The following GLCCI1 variants were observed in gnomAD, a reference collection of about 807,000 sequenced individuals.
GLCCI1 encodes the protein glucocorticoid induced 1, also known as glucocorticoid-induced transcript 1 protein.
A neutral mutation model predicts 52.2 loss-of-function variants in GLCCI1; 24 were observed. The ratio of observed to expected loss-of-function variants is 0.46; its 90% CI spans 0.33 to 0.65. The LOEUF is 0.65. Ranked by LOEUF, GLCCI1 falls within the 30% of genes least tolerant of loss-of-function variation. The pLI, the probability that GLCCI1 is intolerant of heterozygous loss-of-function variation, is 0.02. For missense variants in GLCCI1, 704 were observed against 701.5 expected (o/e 1.00, Z -0.04); for synonymous variants, 310 against 276.5 (o/e 1.12, Z -1.20).
chr7:7,974,025 G>C (rs1182436322), intron 1 of GLCCI1, among the ~76,000 whole-genome samples: 4 of 151,844 alleles, frequency 2.6e-5, no homozygotes, highest in Non-Finnish European at 5.9e-5. Flanking sequence ...AATTTTCCTT[G>C]AGTGCTTATA....
At chr7:8,006,907 T>G (rs551967365) in intron 2 of GLCCI1, among the ~76,000 whole-genome samples, 1 of 152,298 alleles carries the variant, frequency 6.6e-6, no homozygotes, top group South Asian at 2.1e-4. Context: ...CACATTCAAG[T>G]GCCATCCTCA....
At chr7:8,066,422 TCTG>T (rs1782632221) in intron 5 of GLCCI1, among the ~76,000 whole-genome samples, 1 of 152,110 alleles carries the variant, frequency 6.6e-6, no homozygotes, top group Non-Finnish European at 1.5e-5. Flanking sequence ...TTTCTTGTCT[TCTG>T]CTAGCTTTGG....
intron 6 of GLCCI1, chr7:8,084,604 C>A (rs750972660): frequency 1.7e-5 from 4 of 232,126 alleles, no homozygotes; most frequent in Non-Finnish European, 3.4e-5. Context: ...TCTTGAAATA[C>A]GTAATAAATA....
chr7:8,004,149 C>A (rs1781101675), intron 2 of GLCCI1, 90 bp downstream of exon 2: 2 of 1,183,884 alleles, frequency 1.7e-6, no homozygotes, highest in Non-Finnish European at 1.2e-6. Context: ...CAAATTTCCC[C>A]AAATTTGAAA....
At chr7:8,070,555 A>AT (rs563554875) in intron 5 of GLCCI1, 174 of 159,352 alleles carry the variant, frequency 1.1e-3, no homozygotes, top group Middle Eastern at 3.1e-3. Context: ...AGTCAAAGTG[A>AT]TTTTTTTTTT....
In GLCCI1 at chr7:8,082,250, C is replaced by T. The variant is rs149382771; in HGVS notation, c.1178-2647C>T. Among the ~76,000 whole-genome samples the T allele has an allele frequency of 3.2e-3, 491 of 152,214 alleles. 6 individuals are homozygous for T. The highest frequency in any genetic ancestry group is 0.028 in the Admixed American group (427 of 15,294). ...TTGGTCATATGGGTTGTTTTTAAAG[C>T]GTGCTGCTTTGTAAGGCAAGAAAAA... On this transcript the variant is annotated intron_variant, in intron 6 of 7. Transcript: ENST00000223145.
rs185097909 is a variant in GLCCI1, at chr7:8,022,704, G to A, written c.696+135G>A. On this transcript the variant is annotated intron_variant, in intron 3 of 7. Coordinates refer to ENST00000223145, the MANE Select transcript of GLCCI1 (RefSeq NM_138426.4). Reference sequence around the variant, plus strand: ...CAGTAAGGTTAGGACAAATTCTAGGGTAAGGTTAGAATAAATTCTAGGCAG... The same window carrying A: ...CAGTAAGGTTAGGACAAATTCTAGGATAAGGTTAGAATAAATTCTAGGCAG... 4.5e-4 allele frequency: 167 copies of A among 369,506 alleles called. 1 individual carries two copies. The East Asian group carries it at 7.7e-3, about 17-fold the overall frequency. The allele number at this position is 369,506 out of a possible 1,614,324, so 22.9% of individuals were successfully genotyped here. A position where few individuals can be genotyped will look rare whatever the true frequency, so the allele number is the denominator to read the frequency against.
At chr7:8,043,349 C>A (rs1394576953) in intron 3 of GLCCI1, among the ~76,000 whole-genome samples, 1 of 150,326 alleles carries the variant, frequency 6.7e-6, no homozygotes. Context: ...AAAAAAGCAG[C>A]CATAGGCAGT....
intron 3 of GLCCI1, among the ~76,000 whole-genome samples, chr7:8,040,251 TGA>T (rs1781969684): frequency 6.6e-6 from 1 of 152,042 alleles, no homozygotes; most frequent in South Asian, 2.1e-4. Context: ...TTAGGGAGGC[TGA>T]GATGGAAGGA....
Position 7,969,448 on chromosome 7 carries a change from C to G in GLCCI1, c.98C>G (p.Ala33Gly), listed in dbSNP as rs1252511201. ...CGCAGCGCCGCGGGGTCCCCGCCCGCCGTCGCCGCCGCCGGGAGCGGGAAC... is the reference window on the plus strand; with the variant it reads ...CGCAGCGCCGCGGGGTCCCCGCCCGGCGTCGCCGCCGCCGGGAGCGGGAAC... The part of the protein sequence containing the change: ...MRRSAAGSPP[A>G]VAAAGSGNGA... Residue 33 changes from alanine (A) to glycine (G), a missense_variant, in exon 1 of 8, where the codon GCC (alanine) becomes GGC (glycine). Coordinates refer to ENST00000223145, the MANE Select transcript of GLCCI1 (RefSeq NM_138426.4). The surrounding 1 kb of genome is among the most constrained non-coding windows in gnomAD (Gnocchi z 4.9). The G allele has an allele frequency of 8.4e-7, 1 of 1,194,160 alleles. No homozygotes were observed. Among genetic ancestry groups the G allele is most frequent in the Non-Finnish European group, 1.0e-6 (1 of 960,842 alleles). The allele number at this position is 1,194,160 out of a possible 1,614,324, so 74.0% of individuals were successfully genotyped here. A position where few individuals can be genotyped will look rare whatever the true frequency, so the allele number is the denominator to read the frequency against.
intron 6 of GLCCI1, among the ~76,000 whole-genome samples, chr7:8,079,690 T>TGTAA (rs1782955207): frequency 6.6e-6 from 1 of 151,532 alleles, no homozygotes; most frequent in Admixed American, 6.6e-5. Flanking sequence ...TGGCTTAATT[T>TGTAA]GTAAGTTGGC....
intron 3 of GLCCI1, among the ~76,000 whole-genome samples, chr7:8,029,216 C>T (rs1343409417): frequency 1.3e-5 from 2 of 152,118 alleles, no homozygotes; most frequent in Non-Finnish European, 2.9e-5. Flanking sequence ...AAATAACTAG[C>T]AAACCAAATT....
In GLCCI1 at chr7:8,056,527, A is replaced by T. The variant is rs1160222089; in HGVS notation, c.813+978A>T. On this transcript the variant is annotated intron_variant, in intron 4 of 7. Coordinates refer to ENST00000223145, the MANE Select transcript of GLCCI1 (RefSeq NM_138426.4). ...ATTAACATTTTTATTTTCCCCTAGA[A>T]GTAAATACTAACATATCCCATGGAA... 3.3e-5 allele frequency among the ~76,000 whole-genome samples: 5 copies of T among 152,230 alleles called. No homozygotes were observed. The East Asian group carries it at 9.6e-4, about 29-fold the overall frequency.
intron 3 of GLCCI1, among the ~76,000 whole-genome samples, chr7:8,042,844 G>A (rs1165562785): frequency 1.3e-5 from 2 of 152,204 alleles, no homozygotes; most frequent in African/African-American, 2.4e-5. Flanking sequence ...AAGAGTGGCA[G>A]GGTTTGAGAG....
intron 1 of GLCCI1, chr7:7,970,038 C>A: frequency 2.8e-6 from 1 of 351,380 alleles, no homozygotes; most frequent in Non-Finnish European, 4.3e-6. Context: ...CATCACTCGC[C>A]TGCTTCGAGA....
intron 6 of GLCCI1, among the ~76,000 whole-genome samples, chr7:8,081,582 C>T (rs1782994331): frequency 6.6e-6 from 1 of 151,952 alleles, no homozygotes; most frequent in Non-Finnish European, 1.5e-5. Context: ...AGTGTGGGCC[C>T]CACAATATAC....
chr7:7,970,017 A>G, intron 1 of GLCCI1: 2 of 466,974 alleles, frequency 4.3e-6, no homozygotes, highest in Non-Finnish European at 6.1e-6. Flanking sequence ...CGCCCCTCAG[A>G]GTCTCTCTTC....
intron 2 of GLCCI1, among the ~76,000 whole-genome samples, chr7:8,016,689 G>A (rs1163651449): frequency 2.0e-5 from 3 of 152,076 alleles, no homozygotes; most frequent in Non-Finnish European, 2.9e-5. Context: ...AACAGCTTTT[G>A]GGGGACAACT....
At chr7:7,977,473 G>A (rs1200263223) in intron 1 of GLCCI1, among the ~76,000 whole-genome samples, 2 of 152,152 alleles carry the variant, frequency 1.3e-5, no homozygotes, top group African/African-American at 4.8e-5. Flanking sequence ...AAAGGCCAAA[G>A]CAATTATTTT....
Sources: gnomAD v4.1 joint callset for allele counts (sites outside exome capture counted in the v4.1 genomes callset) on GRCh38, gnomAD v4.1.1 for gene constraint, Gnocchi (gnomAD v3.1) non-coding constraint, MANE v1.5 for transcripts, NCBI Gene and HGNC (gene_info 2026-07-23, HGNC 2026-07-21) for gene names.